MYH7: variants seen among roughly 807,000 people sequenced by gnomAD.
MYH7 encodes myosin-7.
In MYH7, 129 loss-of-function variants were observed where a neutral mutation model predicts 225.4. That is an observed-to-expected ratio of 0.57 (90% CI 0.50 to 0.66). MYH7 has a LOEUF of 0.66. Among genes scored for constraint, MYH7 ranks in the 30% least tolerant of loss-of-function variants. The pLI, the probability that MYH7 is intolerant of heterozygous loss-of-function variation, is 0.00. For missense variants in MYH7, 1,649 were observed against 2,517.0 expected (o/e 0.66, Z 7.38); for synonymous variants, 971 against 1,007.6 (o/e 0.96, Z 0.69).
chr14:23,425,494 G>C lies in MYH7; in HGVS notation c.2287-76C>G. 6.2e-7 allele frequency: 1 copy of C among 1,609,000 alleles called. No homozygotes were observed. The highest frequency in any genetic ancestry group is 8.5e-7 in the Non-Finnish European group (1 of 1,177,820). ...GAGATGGTGGGGATTACCTTAGGAA[G>C]GGTAACAGCCTAGAAAAGGATTGCA... On this transcript the variant is annotated intron_variant, in intron 20 of 39. Transcript: ENST00000355349. This position sits in a 1 kb window ranked among gnomAD's most constrained non-coding sequence, Gnocchi z 4.6.
chr14:23,429,961 G>A (rs1361121246), intron 11 of MYH7, 48 bp from the exon 12 acceptor site: 12 of 1,608,164 alleles, frequency 7.5e-6, no homozygotes, highest in Non-Finnish European at 9.3e-6. Flanking sequence ...GAAGTATGAT[G>A]GGTAAGTGAG....
chr14:23,427,407 C>G, intron 16 of MYH7, 100 bp from the exon 17 acceptor site: 1 of 1,521,070 alleles, frequency 6.6e-7, no homozygotes, highest in Non-Finnish European at 9.0e-7. Context: ...GCATTTGGCC[C>G]CTGGGTGAGG....
intron 32 of MYH7, 21 bp downstream of exon 32, chr14:23,417,132 C>A: frequency 6.2e-7 from 1 of 1,614,170 alleles, no homozygotes; most frequent in Non-Finnish European, 8.5e-7. Flanking sequence ...CCCTCCCCAG[C>A]CTCTTGGGCC....
chr14:23,421,634 C>T (rs745513403), intron 25 of MYH7: 1 of 538,052 alleles, frequency 1.9e-6, no homozygotes, highest in Non-Finnish European at 2.4e-6. Flanking sequence ...ACCATAAGAC[C>T]TTCAATTATC....
intron 11 of MYH7, 92 bp from the exon 12 acceptor site, chr14:23,430,005 T>C: frequency 6.7e-7 from 1 of 1,485,076 alleles, no homozygotes; most frequent in South Asian, 1.2e-5. Context: ...ACTTGTCTCC[T>C]TAATCCCTGT....
rs777488600 is a variant in MYH7 at position 23,430,676 on chromosome 14, A to T, written c.896-13T>A. 1 of 1,608,712 alleles carries T rather than the reference A, an allele frequency of 6.2e-7. No individual in the cohort carries two copies. ...ATCAGCAGCATGTCTAGGGGAAAAA[A>T]CATGGTTAGGGTGGGACACAAGCCC... On this transcript the variant is annotated splice_polypyrimidine_tract_variant and intron_variant, in intron 10 of 39. Transcript: ENST00000355349.
At chr14:23,413,477 G>A (rs1412987615) in intron 39 of MYH7, among the ~76,000 whole-genome samples, 2 of 152,006 alleles carry the variant, frequency 1.3e-5, no homozygotes, top group South Asian at 2.1e-4. Context: ...TTGGGAGGCT[G>A]AGGCAGGAGA....
intron 33 of MYH7, among the ~76,000 whole-genome samples, chr14:23,416,584 G>C (rs144349365): frequency 2.0e-5 from 3 of 152,330 alleles, no homozygotes; most frequent in South Asian, 4.1e-4. Flanking sequence ...ATCAGGTATA[G>C]AGTATAAAAG....
Position 23,415,514 on chromosome 14 carries a change from G to A in MYH7, c.5158-8C>T. 1 of 1,614,192 alleles carries A rather than the reference G, an allele frequency of 6.2e-7. No homozygotes were observed. The highest frequency in any genetic ancestry group is 8.5e-7 in the Non-Finnish European group (1 of 1,180,030). ...GTTGATGAGGCTGGTGTTCTGGGTT[G>A]GGGGAGGGTTGGGCAGAGCAGGAAA... is the stretch of plus-strand genomic sequence containing the variant. On this transcript the variant is annotated splice_polypyrimidine_tract_variant and splice_region_variant and intron_variant, in intron 35 of 39. Coordinates refer to ENST00000355349, the MANE Select transcript of MYH7 (RefSeq NM_000257.4). This position sits in a 1 kb window ranked among gnomAD's most constrained non-coding sequence, Gnocchi z 6.3.
At position 23,422,171 on chromosome 14, in the gene MYH7, A is replaced by G. The variant is rs1387869555; in HGVS notation, c.3245+9T>C. On this transcript the variant is annotated intron_variant, in intron 25 of 39. Coordinates refer to ENST00000355349, the MANE Select transcript of MYH7 (RefSeq NM_000257.4). ...GAGGAGGAAGGGCAGCAGGGAGGGG[A>G]CACAGTACTTTTTCAGCCGCTCATC... 2 of 1,612,212 alleles carry G rather than the reference A, an allele frequency of 1.2e-6. No homozygotes were observed. Among genetic ancestry groups the G allele is most frequent in the Admixed American group, 1.7e-5 (1 of 59,988 alleles).
In MYH7 at chr14:23,424,769, C is replaced by T. The variant is rs765038766; in HGVS notation, c.2679G>A (p.Ala893=). 1.2e-6 allele frequency: 2 copies of T among 1,614,070 alleles called. No individual in the cohort carries two copies. The highest frequency in any genetic ancestry group is 1.7e-6 in the Non-Finnish European group (2 of 1,180,038). Residue 893 remains alanine (A), a splice_region_variant and synonymous_variant, in exon 22 of 40, where the codon GCG becomes GCA. Transcript: ENST00000355349. ...GCCAACAGTAGCCCAGGAGCCTCACCGCCTGCACTTGGAGCTGCAGGTCAT... is the reference window on the plus strand; with the variant it reads ...GCCAACAGTAGCCCAGGAGCCTCACTGCCTGCACTTGGAGCTGCAGGTCAT... ...EKNDLQLQVQ[A]EQDNLADAEE... is the part of the protein sequence containing the mutation.
intron 22 of MYH7, 129 bp from the exon 23 acceptor site, chr14:23,424,278 C>T: frequency 8.0e-7 from 1 of 1,247,518 alleles, no homozygotes; most frequent in Non-Finnish European, 1.1e-6. Flanking sequence ...GCAAGAGCTT[C>T]AGAAGTATGG....
rs762762532 is a variant in MYH7 at position 23,416,289 on chromosome 14, G to T, written c.4668C>A (p.Gly1556=). The T allele has an allele frequency of 1.2e-5, 20 of 1,612,698 alleles. No individual in the cohort carries two copies. In the East Asian group the frequency reaches 4.2e-4, roughly 34 times the overall value. The part of the protein sequence containing the change: ...EAEASLEHEE[G]KILRAQLEFN... Reference sequence around the variant, plus strand: ...ACTCCAGCTGGGCCCGGAGGATCTTGCCCTCCTCGTGCTCCAGGGAGGCCT... The same window carrying T: ...ACTCCAGCTGGGCCCGGAGGATCTTTCCCTCCTCGTGCTCCAGGGAGGCCT... Residue 1556 remains glycine, a synonymous_variant, in exon 34 of 40, where the codon GGC becomes GGA. Transcript: ENST00000355349.
At position 23,428,491 on chromosome 14, in the gene MYH7, A is replaced by C. The variant is rs1339319984; in HGVS notation, c.1578+9T>G. 4 of 1,614,172 alleles carry C rather than the reference A, an allele frequency of 2.5e-6. No individual in the cohort carries two copies. Among genetic ancestry groups the C allele is most frequent in the Non-Finnish European group, 3.4e-6 (4 of 1,180,030 alleles). Reference sequence around the variant, plus strand: ...AGGGAGAATTCAGGTGGTAAGGCCAAAGAGGCACCTTCTCGATGAGGTCAA... The same window carrying C: ...AGGGAGAATTCAGGTGGTAAGGCCACAGAGGCACCTTCTCGATGAGGTCAA... On this transcript the variant is annotated intron_variant, in intron 15 of 39. Coordinates refer to ENST00000355349, the MANE Select transcript of MYH7 (RefSeq NM_000257.4).
At chr14:23,426,704 A>G (rs962539561) in intron 18 of MYH7, 73 bp downstream of exon 18, 1 of 1,353,636 alleles carries the variant, frequency 7.4e-7, no homozygotes, top group Non-Finnish European at 1.1e-6. Flanking sequence ...GTAGGTAGGG[A>G]GATGTCCTAG....
In MYH7 at chr14:23,425,426, C is replaced by G; in HGVS notation, c.2287-8G>C. On this transcript the variant is annotated splice_region_variant and splice_polypyrimidine_tract_variant and intron_variant, in intron 20 of 39. Coordinates refer to ENST00000355349, the MANE Select transcript of MYH7 (RefSeq NM_000257.4). The surrounding 1 kb of genome is among the most constrained non-coding windows in gnomAD (Gnocchi z 4.6). ...CCCGGCCTTGAAGAACACCTGCAGG[C>G]AAGGTGTGTGTTGGCCATGACTAGG... 6.2e-7 allele frequency: 1 copy of G among 1,614,000 alleles called. No homozygotes were observed. Among genetic ancestry groups the G allele is most frequent in the Non-Finnish European group, 8.5e-7 (1 of 1,179,964 alleles).
rs748351798 is a variant in MYH7, at chr14:23,426,820, G to C, written c.2001C>G (p.Pro667=). 4 of 1,614,160 alleles carry C rather than the reference G, an allele frequency of 2.5e-6. No individual in the cohort carries two copies. Among genetic ancestry groups the C allele is most frequent in the Admixed American group, 1.7e-5 (1 of 60,028 alleles). ...KLMTNLRSTH[P]HFVRCIIPNE... Reference sequence around the variant, plus strand: ...TAGGGATGATACAACGTACAAAGTGGGGATGGGTGGAGCGCAAGTTGGTCA... The same window carrying C: ...TAGGGATGATACAACGTACAAAGTGCGGATGGGTGGAGCGCAAGTTGGTCA... Residue 667 remains proline, a synonymous_variant, in exon 18 of 40, where the codon CCC becomes CCG. Transcript: ENST00000355349.
chr14:23,433,452 TG>T lies in MYH7; in HGVS notation c.201+79del. 6.6e-7 allele frequency: 1 copy of T among 1,526,312 alleles called. No homozygotes were observed. The highest frequency in any genetic ancestry group is 9.0e-7 in the Non-Finnish European group (1 of 1,107,592). The allele number at this position is 1,526,312 out of a possible 1,614,324, so 94.5% of individuals were successfully genotyped here. A position where few individuals can be genotyped will look rare whatever the true frequency, so the allele number is the denominator to read the frequency against. ...GACCATCCTCAGGTCTGCATGGGCA[TG>T]GGGCATGGGTGTACCCCTCTCTGTC... On this transcript the variant is annotated intron_variant, in intron 3 of 39. Transcript: ENST00000355349. The surrounding 1 kb of genome is among the most constrained non-coding windows in gnomAD (Gnocchi z 4.1).
chr14:23,418,123 C>A, intron 30 of MYH7, 87 bp downstream of exon 30: 1 of 1,590,102 alleles, frequency 6.3e-7, no homozygotes, highest in Non-Finnish European at 8.6e-7. Context: ...CTAAGCATCG[C>A]CTGTGTGGGA....
Sources: allele counts gnomAD v4.1 joint callset (sites outside exome capture counted in the v4.1 genomes callset), GRCh38; gene constraint gnomAD v4.1.1; non-coding constraint Gnocchi (gnomAD v3.1); transcripts MANE v1.5; gene names NCBI Gene and HGNC (gene_info 2026-07-23, HGNC 2026-07-21).